IGF2BP2: variants seen among roughly 807,000 people sequenced by gnomAD.
IGF2BP2 encodes the protein insulin-like growth factor 2 mRNA-binding protein 2.
IGF2BP2 carries 17 observed loss-of-function variants against 75.8 expected under a neutral mutation model. The observed-to-expected ratio is 0.22, with a 90% CI of 0.15 to 0.34. The LOEUF (loss-of-function observed/expected upper bound fraction) is 0.34. IGF2BP2 is among the 10% of genes least tolerant of loss of function. The pLI is 1.00. For missense variants in IGF2BP2, 516 were observed against 772.4 expected (o/e 0.67, Z 3.93); for synonymous variants, 288 against 295.6 (o/e 0.97, Z 0.26).
chr3:185,823,670 G>A (rs1741650902), intron 1 of IGF2BP2, among the ~76,000 whole-genome samples: 1 of 151,562 alleles, frequency 6.6e-6, no homozygotes, highest in South Asian at 2.1e-4. Context: ...CCCGGAGTCC[G>A]CCGCAGCGAC....
At chr3:185,721,886 GT>G (rs1726603386) in intron 2 of IGF2BP2, among the ~76,000 whole-genome samples, 1 of 151,988 alleles carries the variant, frequency 6.6e-6, no homozygotes, top group Non-Finnish European at 1.5e-5. Context: ...TCAGGGCAGT[GT>G]TTTCTGTTTA....
In IGF2BP2 at chr3:185,707,295, C is replaced by CTTTTTTTTTTTTT. The variant is rs1159568857; in HGVS notation, c.240-8961_240-8949dup. 2.5e-4 allele frequency among the ~76,000 whole-genome samples: 10 copies of CTTTTTTTTTTTTT among 39,854 alleles called. 3 individuals are homozygous for CTTTTTTTTTTTTT. The highest frequency in any genetic ancestry group is 1.0e-3 in the African/African-American group (9 of 8,906). 26.1% of individuals were successfully genotyped at this position (39,854 alleles called of 152,430 possible). On this transcript the variant is annotated intron_variant, in intron 2 of 15. Transcript: ENST00000382199. ...TTATATTCAGTGTGTAACGAAGGGG[C>CTTTTTTTTTTTTT]TTTTTTTTTTTTTTTTTTTTTTTTT...
intron 7 of IGF2BP2, among the ~76,000 whole-genome samples, chr3:185,685,841 A>C (rs1441119191): frequency 6.6e-6 from 1 of 152,136 alleles, no homozygotes; most frequent in South Asian, 2.1e-4. Context: ...TGGAGGTCTC[A>C]CTATGTTGCC....
At chr3:185,811,830 G>GTCTGTC (rs1739881258) in intron 2 of IGF2BP2, among the ~76,000 whole-genome samples, 1 of 120,694 alleles carries the variant, frequency 8.3e-6, no homozygotes, top group Non-Finnish European at 1.8e-5. Flanking sequence ...AGAGTAGGGT[G>GTCTGTC]TCTCTCTCTC....
rs115373917 is a variant in IGF2BP2, at chr3:185,674,080, G to A, written c.1071+1216C>T. On this transcript the variant is annotated intron_variant, in intron 9 of 15. Transcript: ENST00000382199. ...GACGTGGGCTGCTAAGGTGGGGGTC[G>A]GGGTGAGATGGGGACAGATTACTGC... is the stretch of plus-strand genomic sequence containing the variant. 6.1e-3 allele frequency among the ~76,000 whole-genome samples: 930 copies of A among 152,308 alleles called. 6 individuals are homozygous for A. The highest frequency in any genetic ancestry group is 0.021 in the African/African-American group (870 of 41,564).
intron 2 of IGF2BP2, among the ~76,000 whole-genome samples, chr3:185,775,599 G>A (rs1312837700): frequency 6.6e-6 from 1 of 152,080 alleles, no homozygotes; most frequent in Non-Finnish European, 1.5e-5. Flanking sequence ...AATAGGAGAG[G>A]GAACATCATT....
At chr3:185,816,321 T>G (rs1277331540) in intron 2 of IGF2BP2, among the ~76,000 whole-genome samples, 2 of 152,330 alleles carry the variant, frequency 1.3e-5, no homozygotes, top group Non-Finnish European at 2.9e-5. Context: ...CACTTCTGTC[T>G]GTGGGCAAGC....
In IGF2BP2 at chr3:185,647,794, T is replaced by G. The variant is rs1024551270; in HGVS notation, c.1594-656A>C. On this transcript the variant is annotated intron_variant, in intron 14 of 15. Transcript: ENST00000382199. The surrounding 1 kb of genome is among the most constrained non-coding windows in gnomAD (Gnocchi z 4.9). ...CACTGGGCCTGCTTCCCAACAGGAC[T>G]GCACGCTTCCTGAGGGCTCAGACCC... Among the ~76,000 whole-genome samples the G allele has an allele frequency of 6.6e-6, 1 of 152,242 alleles. No homozygotes were observed. Among genetic ancestry groups the G allele is most frequent in the Non-Finnish European group, 1.5e-5 (1 of 68,034 alleles).
In IGF2BP2 at chr3:185,645,315, T is replaced by C. The variant is rs1338821596; in HGVS notation, c.*216A>G. ...AGCCCTGGGGGGCGGGAGGCGGGGC[T>C]CGGTGGTTCTGGCAAACCTGGCTGA... On this transcript the variant is annotated 3_prime_UTR_variant, in exon 16 of 16. Coordinates refer to ENST00000382199, the MANE Select transcript of IGF2BP2 (RefSeq NM_006548.6). This position sits in a 1 kb window ranked among gnomAD's most constrained non-coding sequence, Gnocchi z 4.9. 8 of 560,822 alleles carry C rather than the reference T, an allele frequency of 1.4e-5. No homozygotes were observed. The highest frequency in any genetic ancestry group is 2.4e-5 in the South Asian group (1 of 41,152). The allele number at this position is 560,822 out of a possible 1,614,324, so 34.7% of individuals were successfully genotyped here.
rs531461511 is a variant in IGF2BP2, at chr3:185,675,554, C to G, written c.936-123G>C. On this transcript the variant is annotated intron_variant, in intron 8 of 15. Coordinates refer to ENST00000382199, the MANE Select transcript of IGF2BP2 (RefSeq NM_006548.6). ...GAAGACTCAATTCCCTCCCAACACA[C>G]TGTGGTGGAGAATCCCTGCCATCTT... 33 of 1,177,530 alleles carry G rather than the reference C, an allele frequency of 2.8e-5. No individual in the cohort carries two copies. In the African/African-American group the frequency reaches 3.9e-4, roughly 14 times the overall value. 72.9% of individuals were successfully genotyped at this position (1,177,530 alleles called of 1,614,324 possible).
intron 1 of IGF2BP2, 46 bp from the exon 2 acceptor site, chr3:185,823,259 C>CT (rs768033639): frequency 6.7e-7 from 1 of 1,485,680 alleles, no homozygotes; most frequent in East Asian, 2.3e-5. Flanking sequence ...TTAGATCAAG[C>CT]CCGCGGGGGT....
chr3:185,793,610 T>C (rs952646946), intron 2 of IGF2BP2, among the ~76,000 whole-genome samples: 12 of 152,140 alleles, frequency 7.9e-5, no homozygotes, highest in Admixed American at 7.9e-4. Flanking sequence ...AACTTTGATA[T>C]AATTGACACA....
chr3:185,742,089 T>C (rs1729627581), intron 2 of IGF2BP2, among the ~76,000 whole-genome samples: 2 of 151,832 alleles, frequency 1.3e-5, no homozygotes, highest in African/African-American at 4.8e-5. Flanking sequence ...TGGTAAAATG[T>C]GCATATATTA....
At chr3:185,812,764 C>A (rs1343850021) in intron 2 of IGF2BP2, among the ~76,000 whole-genome samples, 3 of 152,176 alleles carry the variant, frequency 2.0e-5, no homozygotes, top group Non-Finnish European at 4.4e-5. Flanking sequence ...AGCCAGGATT[C>A]CCATGTACGT....
chr3:185,741,976 GTGT>G (rs1729610407), intron 2 of IGF2BP2, among the ~76,000 whole-genome samples: 1 of 152,120 alleles, frequency 6.6e-6, no homozygotes, highest in African/African-American at 2.4e-5. Context: ...ACTAAAAATG[GTGT>G]TGTATGTTAT....
chr3:185,805,476 C>CT (rs1447339230), intron 2 of IGF2BP2, among the ~76,000 whole-genome samples: 1 of 152,176 alleles, frequency 6.6e-6, no homozygotes, highest in African/African-American at 2.4e-5. Flanking sequence ...ATAATCAAGA[C>CT]TGTGTGAGAC....
chr3:185,671,495 C>T (rs971747412), intron 10 of IGF2BP2, among the ~76,000 whole-genome samples: 3 of 149,050 alleles, frequency 2.0e-5, no homozygotes, highest in Non-Finnish European at 4.4e-5. Flanking sequence ...CAAGATCGCG[C>T]CACTGCACTC....
intron 2 of IGF2BP2, among the ~76,000 whole-genome samples, chr3:185,781,460 C>T (rs190816408): frequency 2.4e-4 from 37 of 152,200 alleles, no homozygotes; most frequent in African/African-American, 8.9e-4. Flanking sequence ...CTCAATCTGA[C>T]TTATAGGCTT....
chr3:185,681,670 A>G (rs1720406451), intron 7 of IGF2BP2, among the ~76,000 whole-genome samples: 1 of 152,370 alleles, frequency 6.6e-6, no homozygotes, highest in South Asian at 2.1e-4. Context: ...CTTTCAAAAT[A>G]TATTACAAAG....
Sources: allele counts gnomAD v4.1 joint callset (sites outside exome capture counted in the v4.1 genomes callset), GRCh38; gene constraint gnomAD v4.1.1; non-coding constraint Gnocchi (gnomAD v3.1); transcripts MANE v1.5; gene names NCBI Gene and HGNC (gene_info 2026-07-23, HGNC 2026-07-21).